The following CAAP1 variants were observed in gnomAD, a reference collection of about 807,000 sequenced individuals.
The protein encoded by CAAP1 is caspase activity and apoptosis inhibitor 1, also known as conserved anti-apoptotic protein.
Under a neutral mutation model 34.0 loss-of-function variants are expected in CAAP1, and 20 were observed. The observed-to-expected ratio is 0.59, with a 90% CI of 0.41 to 0.86. The LOEUF (loss-of-function observed/expected upper bound fraction) is 0.86. Among genes scored for constraint, CAAP1 ranks in the 40% least tolerant of loss-of-function variants. CAAP1 has a pLI of 0.00. For missense variants in CAAP1, 538 were observed against 450.5 expected (o/e 1.19, Z -1.76); for synonymous variants, 213 against 166.7 (o/e 1.28, Z -2.14).
intron 4 of CAAP1, among the ~76,000 whole-genome samples, chr9:26,879,709 G>C (rs1215600417): frequency 6.6e-6 from 1 of 152,182 alleles, no homozygotes; most frequent in African/African-American, 2.4e-5. Flanking sequence ...AGTCTTCCAG[G>C]CTTCATCTTT....
In CAAP1 at chr9:26,892,593, G is replaced by T. The variant is rs1823938618; in HGVS notation, c.123C>A (p.Ser41Arg). The change falls in exon 1 of 6, where the codon AGC becomes AGA. Residue 41 changes from serine (S) to arginine (R), a missense_variant. Physicochemically the swap from Ser to Arg is moderately radical, Grantham distance 110. Around this residue, in one of 3 missense-constraint regions of CAAP1, gnomAD observed 514 missense variants for 408.4 expected, o/e 1.26. Coordinates refer to ENST00000333916, the MANE Select transcript of CAAP1 (RefSeq NM_024828.4). ...ALASGSSGST[S>R]GCGSAGGCGS... Reference sequence around the variant, plus strand: ...CGCAGCCCCCGGCGCTCCCGCAGCCGCTAGTGCTTCCACTGCTGCCGCTGG... The same window carrying T: ...CGCAGCCCCCGGCGCTCCCGCAGCCTCTAGTGCTTCCACTGCTGCCGCTGG... The T allele has an allele frequency of 6.2e-7, 1 of 1,606,362 alleles. No individual in the cohort carries two copies.
chr9:26,883,220 C>G (rs1252182925), intron 4 of CAAP1, among the ~76,000 whole-genome samples: 1 of 152,134 alleles, frequency 6.6e-6, no homozygotes, highest in Non-Finnish European at 1.5e-5. Flanking sequence ...GGCTGTGTCT[C>G]CACCCAAATC....
At chr9:26,872,167 G>T (rs1823293582) in intron 4 of CAAP1, among the ~76,000 whole-genome samples, 1 of 152,156 alleles carries the variant, frequency 6.6e-6, no homozygotes, top group Non-Finnish European at 1.5e-5. Flanking sequence ...GGAATAGCCA[G>T]TATTTTTCAA....
chr9:26,888,342 TCTC>T (rs1463474578), intron 1 of CAAP1, among the ~76,000 whole-genome samples: 2 of 152,188 alleles, frequency 1.3e-5, no homozygotes, highest in Non-Finnish European at 2.9e-5. Context: ...TGTAACCTAT[TCTC>T]CTTCCTTCAG....
At chr9:26,846,716 G>A (rs1269456179) in intron 5 of CAAP1, among the ~76,000 whole-genome samples, 1 of 151,354 alleles carries the variant, frequency 6.6e-6, no homozygotes, top group East Asian at 1.9e-4. Context: ...AGACAGAGTT[G>A]CACTCTTGCT....
chr9:26,877,293 A>C (rs1430352284), intron 4 of CAAP1, among the ~76,000 whole-genome samples: 1 of 150,320 alleles, frequency 6.7e-6, no homozygotes, highest in Admixed American at 6.6e-5. Flanking sequence ...CCAAAATCTG[A>C]AAAAAAAATC....
chr9:26,881,053 G>A (rs1156718970), intron 4 of CAAP1, among the ~76,000 whole-genome samples: 1 of 152,078 alleles, frequency 6.6e-6, no homozygotes, highest in African/African-American at 2.4e-5. Flanking sequence ...TCAAAATTGA[G>A]TCACCCATGC....
chr9:26,854,565 T>G (rs1404230009), intron 5 of CAAP1, among the ~76,000 whole-genome samples: 1 of 152,162 alleles, frequency 6.6e-6, no homozygotes, highest in African/African-American at 2.4e-5. Flanking sequence ...GTACCAAACA[T>G]ACACCTAGAG....
At chr9:26,846,869 T>C (rs1208013896) in intron 5 of CAAP1, among the ~76,000 whole-genome samples, 1 of 151,866 alleles carries the variant, frequency 6.6e-6, no homozygotes, top group Non-Finnish European at 1.5e-5. Context: ...GTATTTTTAG[T>C]AGAGACGGGG....
intron 3 of CAAP1, among the ~76,000 whole-genome samples, 189 bp from the exon 4 acceptor site, chr9:26,885,074 CTTT>C (rs397893644): frequency 2.6e-5 from 3 of 116,906 alleles, no homozygotes; most frequent in Non-Finnish European, 5.4e-5. Context: ...TTTCTCATTG[CTTT>C]TTTTTTTTTT....
chr9:26,886,164 T>G lies in CAAP1; in HGVS notation c.529A>C (p.Lys177Gln). The change falls in exon 3 of 6, where the codon AAA (lysine) becomes CAA (glutamine). Residue 177 changes from lysine (K) to glutamine (Q), a missense_variant. This residue lies in a region of CAAP1 where 514 missense variants were observed against 408.4 expected (regional missense o/e 1.26). Coordinates refer to ENST00000333916, the MANE Select transcript of CAAP1 (RefSeq NM_024828.4). ...AGCTCTAACTGTTCCTGGCATAGTTTTTTAATTTCTTCTATTGAACAGTTC... is the reference window on the plus strand; with the variant it reads ...AGCTCTAACTGTTCCTGGCATAGTTGTTTAATTTCTTCTATTGAACAGTTC... ...LKNCSIEEIK[K>Q]LCQEQLELLS... is the part of the protein sequence containing the mutation. The G allele has an allele frequency of 6.4e-7, 1 of 1,556,342 alleles. No individual in the cohort carries two copies. The highest frequency in any genetic ancestry group is 8.7e-7 in the Non-Finnish European group (1 of 1,155,666).
intron 4 of CAAP1, among the ~76,000 whole-genome samples, chr9:26,870,388 G>C (rs558805001): frequency 6.6e-6 from 1 of 151,896 alleles, no homozygotes; most frequent in Non-Finnish European, 1.5e-5. Context: ...CTTTTTTGTA[G>C]GTTAAAATTT....
intron 4 of CAAP1, among the ~76,000 whole-genome samples, chr9:26,883,298 T>C (rs1318255476): frequency 1.3e-5 from 2 of 152,132 alleles, no homozygotes; most frequent in Admixed American, 6.6e-5. Flanking sequence ...GATAACTGAA[T>C]CATGGGGGTG....
At chr9:26,880,013 G>T (rs1367375134) in intron 4 of CAAP1, among the ~76,000 whole-genome samples, 1 of 148,264 alleles carries the variant, frequency 6.7e-6, no homozygotes, top group African/African-American at 2.5e-5. Context: ...TGTCCCTCTA[G>T]AGAACCCCGA....
rs1255226278 is a variant in CAAP1, at chr9:26,892,558, C to G, written c.158G>C (p.Ser53Thr). 70 of 1,586,108 alleles carry G rather than the reference C, an allele frequency of 4.4e-5. No individual in the cohort carries two copies. Among genetic ancestry groups the G allele is most frequent in the Non-Finnish European group, 5.7e-5 (67 of 1,166,766 alleles). The change falls in exon 1 of 6, where the codon AGC becomes ACC. Residue 53 changes from serine to threonine, a missense_variant. This residue lies in a region of CAAP1 where 514 missense variants were observed against 408.4 expected (regional missense o/e 1.26). Transcript: ENST00000333916. ...ACTAAAATTGGCGTTCCCACAGCAG[C>G]TGACGCTCCCGCAGCCCCCGGCGCT... ...CGSAGGCGSVSCCGNANFSGS... is the reference protein window; with the variant it reads ...CGSAGGCGSVTCCGNANFSGS...
intron 4 of CAAP1, among the ~76,000 whole-genome samples, chr9:26,878,613 T>C (rs531619488): frequency 6.6e-6 from 1 of 152,266 alleles, no homozygotes; most frequent in African/African-American, 2.4e-5. Context: ...CCATTCTCCA[T>C]CTTCCTCCAC....
At chr9:26,862,850 T>C (rs1048400100) in intron 4 of CAAP1, among the ~76,000 whole-genome samples, 6 of 152,206 alleles carry the variant, frequency 3.9e-5, no homozygotes, top group African/African-American at 1.2e-4. Context: ...AGTATCTCTA[T>C]CTCTTGGAAA....
chr9:26,872,056 A>G (rs1000828339), intron 4 of CAAP1, among the ~76,000 whole-genome samples: 2 of 152,238 alleles, frequency 1.3e-5, no homozygotes, highest in African/African-American at 2.4e-5. Context: ...ACAAACAGCA[A>G]GAGTTCTACC....
chr9:26,842,486 T>C lies in CAAP1; in HGVS notation c.901A>G (p.Ser301Gly). 1 of 1,614,150 alleles carries C rather than the reference T, an allele frequency of 6.2e-7. No homozygotes were observed. The highest frequency in any genetic ancestry group is 8.5e-7 in the Non-Finnish European group (1 of 1,180,032). ...IDDLEKDIEK[S>G]VNEILGLAES... Reference sequence around the variant, plus strand: ...GCCAGTCCTAGAATCTCATTCACACTTTTCTCAATGTCTTTCTCCAGGTCA... The same window carrying C: ...GCCAGTCCTAGAATCTCATTCACACCTTTCTCAATGTCTTTCTCCAGGTCA... The change falls in exon 6 of 6, where the codon AGT (serine) becomes GGT (glycine). Residue 301 changes from serine to glycine, a missense_variant. Physicochemically the swap from Ser to Gly is moderately conservative, Grantham distance 56. Coordinates refer to ENST00000333916, the MANE Select transcript of CAAP1 (RefSeq NM_024828.4).
Sources: gnomAD v4.1 joint callset for allele counts (sites outside exome capture counted in the v4.1 genomes callset) on GRCh38, gnomAD v4.1.1 for gene constraint, gnomAD v4.1.1 regional missense constraint, MANE v1.5 for transcripts, NCBI Gene and HGNC (gene_info 2026-07-23, HGNC 2026-07-21) for gene names.